EGLN1: variants seen among roughly 807,000 people sequenced by gnomAD.
EGLN1 encodes egl nine homolog 1.
Under a neutral mutation model 38.3 loss-of-function variants are expected in EGLN1, and 17 were observed. The ratio of observed to expected loss-of-function variants is 0.44; its 90% confidence interval spans 0.30 to 0.67. The LOEUF is 0.67. EGLN1 is among the 30% of genes least tolerant of loss of function. EGLN1 has a pLI of 0.08. For synonymous variants in EGLN1, 283 were observed against 257.5 expected, an observed-to-expected ratio of 1.10 and a Z score of -0.95; for missense variants, 477 against 603.3, an observed-to-expected ratio of 0.79 and a Z score of 2.19.
At chr1:231,403,706 G>A (rs1433748115) in intron 1 of EGLN1, among the ~76,000 whole-genome samples, 1 of 143,862 alleles carries the variant, frequency 7.0e-6, no homozygotes, top group Non-Finnish European at 1.5e-5. Context: ...AACCTGGGAA[G>A]AGGTGGAGGT....
intron 1 of EGLN1, among the ~76,000 whole-genome samples, chr1:231,402,249 T>C (rs1003786895): frequency 6.6e-6 from 1 of 152,114 alleles, no homozygotes; most frequent in Non-Finnish European, 1.5e-5. Flanking sequence ...TCAAAAGGGT[T>C]TGTCTTTTCA....
chr1:231,401,229 T>C (rs1488613362), intron 1 of EGLN1, among the ~76,000 whole-genome samples: 1 of 152,186 alleles, frequency 6.6e-6, no homozygotes, highest in Non-Finnish European at 1.5e-5. Flanking sequence ...TTTCTAGCTG[T>C]GTGATTTGGA....
intron 1 of EGLN1, among the ~76,000 whole-genome samples, chr1:231,412,149 A>G (rs2102937836): frequency 6.6e-6 from 1 of 152,062 alleles, no homozygotes; most frequent in Non-Finnish European, 1.5e-5. Context: ...CAAAGGGATG[A>G]AAGGCTCATA....
intron 1 of EGLN1, among the ~76,000 whole-genome samples, chr1:231,405,329 G>A (rs958542067): frequency 1.4e-4 from 21 of 151,894 alleles, no homozygotes; most frequent in Admixed American, 2.6e-4. Context: ...ACAGGTGCCC[G>A]CCACCATGCC....
At chr1:231,372,489 A>G (rs1215447638) in intron 2 of EGLN1, among the ~76,000 whole-genome samples, 2 of 152,260 alleles carry the variant, frequency 1.3e-5, no homozygotes, top group African/African-American at 4.8e-5. Flanking sequence ...TCTAGAAGTT[A>G]GAAGCTGATG....
At chr1:231,410,602 A>C (rs1450331613) in intron 1 of EGLN1, among the ~76,000 whole-genome samples, 1 of 152,226 alleles carries the variant, frequency 6.6e-6, no homozygotes. Context: ...CTACAAACTA[A>C]GAAGAAAAAT....
intron 1 of EGLN1, among the ~76,000 whole-genome samples, chr1:231,386,865 T>C (rs1688222693): frequency 6.6e-6 from 1 of 152,146 alleles, no homozygotes; most frequent in Non-Finnish European, 1.5e-5. Context: ...AAAATATATA[T>C]ACATATATTT....
chr1:231,422,058 C>A lies in EGLN1; in HGVS notation c.-170G>T. The A allele has an allele frequency of 1.6e-6, 1 of 629,962 alleles. No individual in the cohort carries two copies. The highest frequency in any genetic ancestry group is 2.3e-6 in the Non-Finnish European group (1 of 429,058). The allele number at this position is 629,962 out of a possible 1,614,324, so 39.0% of individuals were successfully genotyped here. ...CGGCACCCCACGCCCTCGGCCCGGC[C>A]GCTTCCGAGTCCTAAGCTCCGGCGC... is the stretch of plus-strand genomic sequence containing the variant. On this transcript the variant is annotated 5_prime_UTR_variant, in exon 1 of 5. Transcript: ENST00000366641.
chr1:231,421,844 C>G lies in EGLN1; in HGVS notation c.45G>C (p.Glu15Asp). ...SGGPGGPSPS[E>D]RDRQYCELCG... The stretch of plus-strand genomic sequence containing the variant: ...ACAGCTCGCAGTACTGCCGGTCTCG[C>G]TCGCTCGGGCTCGGCCCGCCGGGCC... The change falls in exon 1 of 5, where the codon GAG (glutamate) becomes GAC (aspartate). Residue 15 changes from glutamate to aspartate, a missense_variant. Glu to Asp is a conservative substitution (Grantham distance 45). This residue lies in a region of EGLN1 where 298 missense variants were observed against 288.9 expected (regional missense o/e 1.03). Coordinates refer to ENST00000366641, the MANE Select transcript of EGLN1 (RefSeq NM_022051.3). This position sits in a 1 kb window ranked among gnomAD's most constrained non-coding sequence, Gnocchi z 5.5. 1.3e-6 allele frequency: 2 copies of G among 1,504,120 alleles called. No homozygotes were observed. The highest frequency in any genetic ancestry group is 2.8e-5 in the East Asian group (1 of 35,576). 93.2% of individuals were successfully genotyped at this position (1,504,120 alleles called of 1,614,324 possible). A position where few individuals can be genotyped will look rare whatever the true frequency, so the allele number is the denominator to read the frequency against.
Position 231,421,528 on chromosome 1 carries a change from C to T in EGLN1, c.361G>A (p.Ala121Thr). The T allele has an allele frequency of 7.7e-7, 1 of 1,301,426 alleles. No individual in the cohort carries two copies. The highest frequency in any genetic ancestry group is 9.7e-7 in the Non-Finnish European group (1 of 1,025,886). The allele number at this position is 1,301,426 out of a possible 1,614,324, so 80.6% of individuals were successfully genotyped here. ...KVKAKPPADP[A>T]AAASPCRAAA... ...GCACGACACGGCGACGCGGCCGCCG[C>T]TGGGTCGGCCGGGGGCTTGGCCTTT... The change falls in exon 1 of 5, where the codon GCG becomes ACG. Residue 121 changes from alanine (A) to threonine (T), a missense_variant. Coordinates refer to ENST00000366641, the MANE Select transcript of EGLN1 (RefSeq NM_022051.3). This position sits in a 1 kb window ranked among gnomAD's most constrained non-coding sequence, Gnocchi z 5.5.
At chr1:231,390,915 A>G (rs181171723) in intron 1 of EGLN1, among the ~76,000 whole-genome samples, 124 of 151,748 alleles carry the variant, frequency 8.2e-4, no homozygotes, top group African/African-American at 2.9e-3. Flanking sequence ...TGGCGTGATC[A>G]TAGCTCACCG....
chr1:231,410,538 T>C (rs1170209625), intron 1 of EGLN1, among the ~76,000 whole-genome samples: 1 of 152,168 alleles, frequency 6.6e-6, no homozygotes, highest in African/African-American at 2.4e-5. Flanking sequence ...CAAATGTGTG[T>C]TGTTTTAAGC....
At chr1:231,409,636 A>T (rs1688883704) in intron 1 of EGLN1, among the ~76,000 whole-genome samples, 1 of 152,200 alleles carries the variant, frequency 6.6e-6, no homozygotes, top group Non-Finnish European at 1.5e-5. Flanking sequence ...ATTCAGGTAG[A>T]AATGTCTGTC....
rs181796649 is a variant in EGLN1 at position 231,392,660 on chromosome 1, G to T, written c.892-18561C>A. Among the ~76,000 whole-genome samples, 7 of 152,294 alleles carry T rather than the reference G, an allele frequency of 4.6e-5. No homozygotes were observed. In the East Asian group the frequency reaches 1.4e-3, roughly 29 times the overall value. ...AGTATACACTTCAAAAACCTATGGT[G>T]AGGATAAACAATAGAATACATGTAA... On this transcript the variant is annotated intron_variant, in intron 1 of 4. Coordinates refer to ENST00000366641, the MANE Select transcript of EGLN1 (RefSeq NM_022051.3).
At chr1:231,413,230 C>A (rs570721032) in intron 1 of EGLN1, among the ~76,000 whole-genome samples, 1 of 152,100 alleles carries the variant, frequency 6.6e-6, no homozygotes, top group Non-Finnish European at 1.5e-5. Flanking sequence ...CGGATGTCAT[C>A]ACGCCTGGCT....
Position 231,364,551 on chromosome 1 carries a change from A to T in EGLN1, c.*1860T>A, listed in dbSNP as rs1441280087. 1.3e-5 allele frequency: 2 copies of T among 152,218 alleles called. No homozygotes were observed. The highest frequency in any genetic ancestry group is 2.9e-5 in the Non-Finnish European group (2 of 68,048). The allele number at this position is 152,218 out of a possible 1,614,324, so 9.4% of individuals were successfully genotyped here. ...TCTCCTGCAAATTCTCCTAAGTGAG[A>T]TCACTATACTGAACATTCAATCCCA... On this transcript the variant is annotated 3_prime_UTR_variant, in exon 5 of 5. Transcript: ENST00000366641.
rs1339312894 is a variant in EGLN1 at position 231,421,973 on chromosome 1, G to C, written c.-85C>G. On this transcript the variant is annotated 5_prime_UTR_variant, in exon 1 of 5. Coordinates refer to ENST00000366641, the MANE Select transcript of EGLN1 (RefSeq NM_022051.3). The surrounding 1 kb of genome is among the most constrained non-coding windows in gnomAD (Gnocchi z 5.5). The stretch of plus-strand genomic sequence containing the variant: ...ACGGCCTCGCCCGAGGCTGGGGAGC[G>C]GGGAGAGAGATAGGGGCCGTTACTG... 2 of 1,302,822 alleles carry C rather than the reference G, an allele frequency of 1.5e-6. No homozygotes were observed. Among genetic ancestry groups the C allele is most frequent in the South Asian group, 4.3e-5 (2 of 46,594 alleles). 80.7% of individuals were successfully genotyped at this position (1,302,822 alleles called of 1,614,324 possible).
chr1:231,416,666 C>CTAAAATA (rs1370079269), intron 1 of EGLN1, among the ~76,000 whole-genome samples: 3 of 152,010 alleles, frequency 2.0e-5, no homozygotes, highest in Non-Finnish European at 2.9e-5. Context: ...AAAGCCCAGC[C>CTAAAATA]TAAAATAATC....
rs68152109 is a variant in EGLN1, at chr1:231,409,241, T to TA, written c.891+11756dup. 8.9e-3 allele frequency among the ~76,000 whole-genome samples: 1,077 copies of TA among 120,624 alleles called. 7 individuals carry two copies. The highest frequency in any genetic ancestry group is 0.02 in the Middle Eastern group (5 of 246). 79.1% of individuals were successfully genotyped at this position (120,624 alleles called of 152,430 possible). A position where few individuals can be genotyped will look rare whatever the true frequency, so the allele number is the denominator to read the frequency against. ...CTTTAGAAGTCTTAGCCTAATTTCT[T>TA]AAAAAAAAAAAAAAACAAAAAAAAA... On this transcript the variant is annotated intron_variant, in intron 1 of 4. Coordinates refer to ENST00000366641, the MANE Select transcript of EGLN1 (RefSeq NM_022051.3).
Sources: gnomAD v4.1 joint callset for allele counts (sites outside exome capture counted in the v4.1 genomes callset) on GRCh38, gnomAD v4.1.1 for gene constraint, gnomAD v4.1.1 regional missense constraint, Gnocchi (gnomAD v3.1) non-coding constraint, MANE v1.5 for transcripts, NCBI Gene and HGNC (gene_info 2026-07-23, HGNC 2026-07-21) for gene names.